RPL23: variants seen among roughly 807,000 people sequenced by gnomAD.
RPL23 encodes the protein large ribosomal subunit protein uL14.
For synonymous variants in RPL23, 63 were observed against 65.3 expected, an observed-to-expected ratio of 0.97 and a Z score of 0.17; for missense variants, 79 against 178.8, an observed-to-expected ratio of 0.44 and a Z score of 3.18.
Position 38,852,729 on chromosome 17 carries a change from G to C in RPL23, c.101C>G (p.Ala34Gly), listed in dbSNP as rs554988536. Residue 34 changes from alanine to glycine, a missense_variant, in exon 3 of 5, where the codon GCC (alanine) becomes GGC (glycine). Ala to Gly is a moderately conservative substitution (Grantham distance 60). Transcript: ENST00000479035. ...AVINCADNTG[A>G]KNLYIISVKG... Reference sequence around the variant, plus strand: ...CACGGAGATGATATACAGGTTTTTGGCTCCTACAAAAGAATGTAAATAAAA... The same window carrying C: ...CACGGAGATGATATACAGGTTTTTGCCTCCTACAAAAGAATGTAAATAAAA... 105 of 1,613,896 alleles carry C rather than the reference G, an allele frequency of 6.5e-5. No homozygotes were observed. Among genetic ancestry groups the C allele is most frequent in the Non-Finnish European group, 8.5e-5 (100 of 1,180,014 alleles).
In RPL23 at chr17:38,850,586, T is replaced by A. The variant is rs1912973051; in HGVS notation, c.227-111A>T. 4 of 719,162 alleles carry A rather than the reference T, an allele frequency of 5.6e-6. No individual in the cohort carries two copies. In the Admixed American group the frequency reaches 8.6e-5, roughly 15 times the overall value. 44.5% of individuals were successfully genotyped at this position (719,162 alleles called of 1,614,324 possible). On this transcript the variant is annotated intron_variant, in intron 3 of 4. Transcript: ENST00000479035. ...CACTCAGCGTTTGAGACAGTGACAG[T>A]GTAAATATCAATCTTCAAGGTGATC...
In RPL23 at chr17:38,849,150, G is replaced by A. The variant is rs1217430937; in HGVS notation, c.*982C>T. The A allele has an allele frequency of 6.6e-6, 1 of 152,124 alleles. No homozygotes were observed. The highest frequency in any genetic ancestry group is 2.4e-5 in the African/African-American group (1 of 41,432). 9.4% of individuals were successfully genotyped at this position (152,124 alleles called of 1,614,324 possible). Reference sequence around the variant, plus strand: ...AAAACATTTTCATAGCAAAATACCTGTAGGTACCATCAACTTAATCATCTT... The same window carrying A: ...AAAACATTTTCATAGCAAAATACCTATAGGTACCATCAACTTAATCATCTT... On this transcript the variant is annotated 3_prime_UTR_variant, in exon 5 of 5. Transcript: ENST00000479035.
chr17:38,853,589 G>C (rs1275941085), intron 1 of RPL23, 109 bp downstream of exon 1: 1 of 1,364,596 alleles, frequency 7.3e-7, no homozygotes, highest in East Asian at 2.3e-5. Flanking sequence ...CTCTCTCTCC[G>C]GCCTGAAGGA....
In RPL23 at chr17:38,852,736, C is replaced by A. The variant is rs1004881934; in HGVS notation, c.98-4G>T. 1.9e-6 allele frequency: 3 copies of A among 1,613,848 alleles called. No homozygotes were observed. The Admixed American group carries it at 5.0e-5, about 27-fold the overall frequency. ...ATGATATACAGGTTTTTGGCTCCTA[C>A]AAAAGAATGTAAATAAAAATAAAAA... is the stretch of plus-strand genomic sequence containing the variant. On this transcript the variant is annotated splice_region_variant and splice_polypyrimidine_tract_variant and intron_variant, in intron 2 of 4. Coordinates refer to ENST00000479035, the MANE Select transcript of RPL23 (RefSeq NM_000978.4).
At chr17:38,853,651 C>T (rs755769987) in intron 1 of RPL23, 47 bp downstream of exon 1, 2 of 1,613,352 alleles carry the variant, frequency 1.2e-6, no homozygotes, top group African/African-American at 2.7e-5. Flanking sequence ...AATCCGCCAG[C>T]CACTGCACGA....
chr17:38,851,808 T>C (rs893460175), intron 3 of RPL23: 1 of 152,186 alleles, frequency 6.6e-6, no homozygotes, highest in Non-Finnish European at 1.5e-5. Flanking sequence ...GGAGTAACTG[T>C]AATACAGGGC....
intron 3 of RPL23, chr17:38,851,310 TACTG>T (rs1478439929): frequency 1.3e-5 from 2 of 152,206 alleles, no homozygotes; most frequent in Admixed American, 1.3e-4. Flanking sequence ...AGCCAATACT[TACTG>T]ACTGACCCTC....
Position 38,848,098 on chromosome 17 carries a change from G to A in RPL23, c.*2034C>T, listed in dbSNP as rs1430275677. On this transcript the variant is annotated 3_prime_UTR_variant, in exon 5 of 5. Transcript: ENST00000479035. ...TAACATTCAAAAACAGCAGCGATTA[G>A]TGGTTAATATATAAGGATCATATAT... 6.6e-7 allele frequency: 1 copy of A among 1,519,872 alleles called. No individual in the cohort carries two copies. Among genetic ancestry groups the A allele is most frequent in the Non-Finnish European group, 8.8e-7 (1 of 1,135,156 alleles). 94.1% of individuals were successfully genotyped at this position (1,519,872 alleles called of 1,614,324 possible).
Position 38,853,076 on chromosome 17 carries a change from G to A in RPL23, c.43C>T (p.Arg15Trp). 1 of 1,614,118 alleles carries A rather than the reference G, an allele frequency of 6.2e-7. No individual in the cohort carries two copies. Reference protein sequence around the residue: ...GRGGSSGAKFRISLGLPVGAV... With the variant: ...GRGGSSGAKFWISLGLPVGAV... ...CCTACCGGAAGACCCAAGGAAATCC[G>A]GAATTTCGCACCAGAGGACCCACCA... The change falls in exon 2 of 5, where the codon CGG becomes TGG. Residue 15 changes from arginine (R) to tryptophan (W), a missense_variant. Coordinates refer to ENST00000479035, the MANE Select transcript of RPL23 (RefSeq NM_000978.4).
intron 2 of RPL23, 121 bp downstream of exon 2, chr17:38,852,901 G>A (rs757539507): frequency 7.4e-7 from 1 of 1,349,498 alleles, no homozygotes; most frequent in East Asian, 2.3e-5. Flanking sequence ...AACACATGTT[G>A]CCACTTCACC....
At chr17:38,852,484 T>C (rs1913031903) in intron 3 of RPL23, 120 bp downstream of exon 3, 4 of 1,272,802 alleles carry the variant, frequency 3.1e-6, no homozygotes, top group Middle Eastern at 2.8e-4. Context: ...AAGATACTTA[T>C]CTCACACTGC....
At chr17:38,853,220 G>A (rs1913056800) in intron 1 of RPL23, 115 bp from the exon 2 acceptor site, 2 of 799,802 alleles carry the variant, frequency 2.5e-6, no homozygotes, top group Non-Finnish European at 2.1e-6. Context: ...TAGACTGTAC[G>A]CTATAGATTA....
chr17:38,850,645 C>T lies in RPL23; in HGVS notation c.227-170G>A, dbSNP rs1912974838. On this transcript the variant is annotated intron_variant, in intron 3 of 4. Coordinates refer to ENST00000479035, the MANE Select transcript of RPL23 (RefSeq NM_000978.4). ...TCAGCCTCTCTAGTATCTTGGACTA[C>T]AGGTGCACACTACCATGCCCAGATT... The T allele has an allele frequency of 1.0e-5, 6 of 572,020 alleles. No homozygotes were observed. In the East Asian group the frequency reaches 1.8e-4, roughly 17 times the overall value. The allele number at this position is 572,020 out of a possible 1,614,324, so 35.4% of individuals were successfully genotyped here.
chr17:38,851,669 A>G (rs1913007858), intron 3 of RPL23: 1 of 152,208 alleles, frequency 6.6e-6, no homozygotes, highest in Admixed American at 6.5e-5. Context: ...GAAAAAGCCC[A>G]TGCAATTGCT....
At chr17:38,850,764 G>T in intron 3 of RPL23, 1 of 267,376 alleles carries the variant, frequency 3.7e-6, no homozygotes. Flanking sequence ...CATGAACCAC[G>T]ATCATCTATT....
At chr17:38,853,513 C>T (rs1446472293) in intron 1 of RPL23, 185 bp downstream of exon 1, 1 of 748,092 alleles carries the variant, frequency 1.3e-6, no homozygotes, top group Non-Finnish European at 2.4e-6. Flanking sequence ...ATCCTGCCAT[C>T]TCAACTCTCC....
rs1016348311 is a variant in RPL23, at chr17:38,853,547, G to T, written c.13+151C>A. The T allele has an allele frequency of 2.4e-5, 22 of 901,422 alleles. No individual in the cohort carries two copies. The African/African-American group carries it at 3.6e-4, about 15-fold the overall frequency. 55.8% of individuals were successfully genotyped at this position (901,422 alleles called of 1,614,324 possible). A position where few individuals can be genotyped will look rare whatever the true frequency, so the allele number is the denominator to read the frequency against. On this transcript the variant is annotated intron_variant, in intron 1 of 4. Transcript: ENST00000479035. ...CCAGCACCCCACTGCCACTTTCGAGGGCCCTGGCAGTGCTCTCGCGGTGGC... is the reference window on the plus strand; with the variant it reads ...CCAGCACCCCACTGCCACTTTCGAGTGCCCTGGCAGTGCTCTCGCGGTGGC...
rs748203719 is a variant in RPL23 at position 38,850,491 on chromosome 17, A to T, written c.227-16T>A. The T allele has an allele frequency of 7.6e-6, 12 of 1,574,788 alleles. No individual in the cohort carries two copies. In the Admixed American group the frequency reaches 1.3e-4, roughly 18 times the overall value. ...GCTGGATGTACTGAGAGAAGAAAAA[A>T]GGACAGCAGTCATTAACCTGTCAAG... On this transcript the variant is annotated splice_polypyrimidine_tract_variant and intron_variant, in intron 3 of 4. Coordinates refer to ENST00000479035, the MANE Select transcript of RPL23 (RefSeq NM_000978.4).
chr17:38,849,051 G>A lies in RPL23; in HGVS notation c.*1081C>T, dbSNP rs1463713560. On this transcript the variant is annotated 3_prime_UTR_variant, in exon 5 of 5. Transcript: ENST00000479035. ...ATCAGCGCTTTATGCCTGTTCAGTT[G>A]GCAAAAATTTACCACATTCTTCCAT... The A allele has an allele frequency of 6.6e-6, 1 of 152,010 alleles. No individual in the cohort carries two copies. Among genetic ancestry groups the A allele is most frequent in the African/African-American group, 2.4e-5 (1 of 41,370 alleles). The allele number at this position is 152,010 out of a possible 1,614,324, so 9.4% of individuals were successfully genotyped here.
Sources: allele counts gnomAD v4.1 joint callset, GRCh38; gene constraint gnomAD v4.1.1; transcripts MANE v1.5; gene names NCBI Gene and HGNC (gene_info 2026-07-23, HGNC 2026-07-21).